Variants in CHST8 observed in about 807,000 individuals in gnomAD.
CHST8 encodes the protein carbohydrate sulfotransferase 8, also known as GALNAC-4-ST1.
In CHST8, 10 loss-of-function variants were observed where a neutral mutation model predicts 15.0. The observed-to-expected ratio is 0.67, with a 90% CI of 0.41 to 1.13. The LOEUF (loss-of-function observed/expected upper bound fraction) is 1.13, where lower values mean the gene tolerates loss of function less well. Among genes scored for constraint, CHST8 ranks in the 50% most tolerant of loss-of-function variants. The pLI, the probability that CHST8 is intolerant of heterozygous loss-of-function variation, is 0.00. For missense variants in CHST8, 634 were observed against 608.2 expected (o/e 1.04, Z -0.45); for synonymous variants, 259 against 256.6 (o/e 1.01, Z -0.09).
At position 33,706,713 on chromosome 19, in the gene CHST8, A is replaced by G. The variant is rs113787526; in HGVS notation, c.130+17322A>G. Among the ~76,000 whole-genome samples the G allele has an allele frequency of 9.6e-3, 1,466 of 152,332 alleles. 21 individuals carry two copies. Among genetic ancestry groups the G allele is most frequent in the African/African-American group, 0.033 (1,382 of 41,576 alleles). On this transcript the variant is annotated intron_variant, in intron 3 of 4. Coordinates refer to ENST00000650847, the MANE Select transcript of CHST8 (RefSeq NM_001127895.2). ...AATTACATTCATAATATTTCAGGTC[A>G]AGTGATCGCTGCTTGAATTAGTTCC...
At position 33,772,263 on chromosome 19, in the gene CHST8, G is replaced by T. The variant is rs1211480827; in HGVS notation, c.475G>T (p.Val159Leu). ...LHRSQQERKR[V>L]MQEACAKYRA... is the part of the protein sequence containing the mutation. ...CCGGAGCCAGCAGGAGCGCAAGCGG[G>T]TGATGCAGGAGGCCTGCGCCAAGTA... Residue 159 changes from valine to leucine, a missense_variant, in exon 5 of 5, where the codon GTG (valine) becomes TTG (leucine). Val to Leu is a conservative substitution (Grantham distance 32, BLOSUM62 1). Coordinates refer to ENST00000650847, the MANE Select transcript of CHST8 (RefSeq NM_001127895.2). The T allele has an allele frequency of 6.2e-7, 1 of 1,601,028 alleles. No individual in the cohort carries two copies. Among genetic ancestry groups the T allele is most frequent in the Admixed American group, 1.7e-5 (1 of 59,726 alleles).
intron 3 of CHST8, among the ~76,000 whole-genome samples, chr19:33,698,218 A>G (rs943632670): frequency 1.3e-5 from 2 of 152,124 alleles, no homozygotes; most frequent in African/African-American, 4.8e-5. Context: ...CAGAGGTTGT[A>G]GTTCTTTTAA....
chr19:33,736,823 A>G (rs1974094395), intron 3 of CHST8, among the ~76,000 whole-genome samples: 1 of 152,082 alleles, frequency 6.6e-6, no homozygotes, highest in Non-Finnish European at 1.5e-5. Context: ...GAAGGAATGC[A>G]TGGTGTGTCA....
chr19:33,698,505 G>A (rs1973268396), intron 3 of CHST8, among the ~76,000 whole-genome samples: 1 of 152,108 alleles, frequency 6.6e-6, no homozygotes, highest in Admixed American at 6.5e-5. Flanking sequence ...AGGAGATTGG[G>A]GGCAGCCAAG....
chr19:33,682,457 C>T (rs868220363), intron 2 of CHST8, among the ~76,000 whole-genome samples: 3 of 152,150 alleles, frequency 2.0e-5, no homozygotes, highest in Non-Finnish European at 4.4e-5. Flanking sequence ...AGTCCAGTGG[C>T]ATTAATTACA....
At chr19:33,719,834 T>C (rs1301532030) in intron 3 of CHST8, among the ~76,000 whole-genome samples, 1 of 151,920 alleles carries the variant, frequency 6.6e-6, no homozygotes, top group Non-Finnish European at 1.5e-5. Context: ...TGATACCCAC[T>C]GTCTCCTCCA....
chr19:33,705,213 C>G (rs953167586), intron 3 of CHST8, among the ~76,000 whole-genome samples: 2 of 152,142 alleles, frequency 1.3e-5, no homozygotes, highest in Non-Finnish European at 2.9e-5. Context: ...ACTTCCAGCC[C>G]CATAGGACCC....
Position 33,677,350 on chromosome 19 carries a change from G to A in CHST8, c.-87+9507G>A, listed in dbSNP as rs970269283. Among the ~76,000 whole-genome samples, 7 of 152,322 alleles carry A rather than the reference G, an allele frequency of 4.6e-5. No homozygotes were observed. The South Asian group carries it at 1.4e-3, about 32-fold the overall frequency. On this transcript the variant is annotated intron_variant, in intron 2 of 4. Transcript: ENST00000650847. Reference sequence around the variant, plus strand: ...TCTGCCTGTGTCCTTGAGGTTGAGCGATGAGGGCATGTGAAACCCAGGATG... The same window carrying A: ...TCTGCCTGTGTCCTTGAGGTTGAGCAATGAGGGCATGTGAAACCCAGGATG...
intron 1 of CHST8, among the ~76,000 whole-genome samples, chr19:33,665,876 G>A (rs1035355902): frequency 2.0e-5 from 3 of 152,218 alleles, no homozygotes; most frequent in Non-Finnish European, 4.4e-5. Flanking sequence ...ACCCAGCTCT[G>A]GGCAGGCAGC....
intron 3 of CHST8, among the ~76,000 whole-genome samples, chr19:33,735,903 G>A (rs966521933): frequency 5.3e-5 from 8 of 152,216 alleles, no homozygotes; most frequent in African/African-American, 1.9e-4. Flanking sequence ...AATGGAGTGT[G>A]CCTCCTCTCC....
Position 33,752,155 on chromosome 19 carries a change from G to A in CHST8, c.131-19258G>A, listed in dbSNP as rs967251623. 4.6e-5 allele frequency among the ~76,000 whole-genome samples: 7 copies of A among 152,304 alleles called. 1 individual carries two copies. The highest frequency in any genetic ancestry group is 8.8e-5 in the Non-Finnish European group (6 of 68,010). ...TTGGACGCCCCAGCTGCCTGAGCCC[G>A]GGAGCCCTGGGATGAAGTAGGGGCT... On this transcript the variant is annotated intron_variant, in intron 3 of 4. Coordinates refer to ENST00000650847, the MANE Select transcript of CHST8 (RefSeq NM_001127895.2).
At chr19:33,768,217 A>G (rs1159149893) in intron 3 of CHST8, among the ~76,000 whole-genome samples, 1 of 152,136 alleles carries the variant, frequency 6.6e-6, no homozygotes, top group Non-Finnish European at 1.5e-5. Flanking sequence ...TAGTGGGGAC[A>G]CTAGGTTCAC....
intron 1 of CHST8, among the ~76,000 whole-genome samples, chr19:33,645,432 C>A (rs1972340449): frequency 6.6e-6 from 1 of 152,156 alleles, no homozygotes; most frequent in South Asian, 2.1e-4. Context: ...AGAGGATGAT[C>A]CAGCCAAGAT....
intron 1 of CHST8, among the ~76,000 whole-genome samples, chr19:33,651,708 G>T (rs1029002020): frequency 6.6e-6 from 1 of 152,042 alleles, no homozygotes; most frequent in African/African-American, 2.4e-5. Context: ...GAAAAAACAA[G>T]TTTCTAATTT....
At chr19:33,627,347 A>G (rs907369115) in intron 1 of CHST8, among the ~76,000 whole-genome samples, 66 of 151,778 alleles carry the variant, frequency 4.3e-4, no homozygotes, top group Non-Finnish European at 9.6e-4. Context: ...CCTGACCTCA[A>G]GTGATCTGCC....
intron 3 of CHST8, among the ~76,000 whole-genome samples, chr19:33,745,691 A>T (rs766715272): frequency 1.3e-5 from 2 of 152,262 alleles, no homozygotes; most frequent in African/African-American, 2.4e-5. Flanking sequence ...CCAGTCCCAC[A>T]GGGAGCTCTG....
chr19:33,686,311 C>T (rs958482430), intron 2 of CHST8, among the ~76,000 whole-genome samples: 1 of 152,096 alleles, frequency 6.6e-6, no homozygotes, highest in Non-Finnish European at 1.5e-5. Flanking sequence ...TGCCCTGGCT[C>T]CCAGGCACAT....
intron 3 of CHST8, among the ~76,000 whole-genome samples, chr19:33,728,354 G>A (rs527281303): frequency 9.2e-5 from 14 of 152,320 alleles, no homozygotes; most frequent in African/African-American, 2.4e-4. Flanking sequence ...TAGCCAGGGC[G>A]GTGCCCTCTG....
intron 1 of CHST8, among the ~76,000 whole-genome samples, chr19:33,649,574 G>T (rs58512973): frequency 6.6e-6 from 1 of 152,116 alleles, no homozygotes; most frequent in Non-Finnish European, 1.5e-5. Flanking sequence ...CATGAGGGGG[G>T]TCTGGACGCA....
Sources: gnomAD v4.1 joint callset for allele counts (sites outside exome capture counted in the v4.1 genomes callset) on GRCh38, gnomAD v4.1.1 for gene constraint, MANE v1.5 for transcripts, NCBI Gene and HGNC (gene_info 2026-07-23, HGNC 2026-07-21) for gene names.